The following RNF146 variants were observed in gnomAD, a reference collection of about 807,000 sequenced individuals.
The protein encoded by RNF146 is E3 ubiquitin-protein ligase RNF146.
Under a neutral mutation model 29.7 loss-of-function variants are expected in RNF146, and 11 were observed. The observed-to-expected ratio is 0.37, with a 90% CI of 0.23 to 0.61. RNF146 has a LOEUF of 0.61. RNF146 is among the 20% of genes least tolerant of loss of function. The probability of loss-of-function intolerance (pLI) is 0.66; values close to 1 mark genes in which losing one functional copy is unlikely to be tolerated. For missense variants in RNF146, 342 were observed against 438.9 expected (o/e 0.78, Z 1.97); for synonymous variants, 150 against 159.7 (o/e 0.94, Z 0.46).
chr6:127,269,581 G>A (rs960176165), intron 1 of RNF146, among the ~76,000 whole-genome samples: 3 of 152,166 alleles, frequency 2.0e-5, no homozygotes, highest in African/African-American at 4.8e-5. Flanking sequence ...ATTCTTTAAA[G>A]TATCAGACCC....
At chr6:127,285,496 T>C (rs538406549) in intron 2 of RNF146, 1 of 263,988 alleles carries the variant, frequency 3.8e-6, no homozygotes, top group African/African-American at 2.3e-5. Context: ...TTATCAGTGG[T>C]TTACTCCATT....
In RNF146 at chr6:127,286,044, C is replaced by T; in HGVS notation, c.3-572C>T. The stretch of plus-strand genomic sequence containing the variant: ...TTGACAAATCTTTTTTCTTCTTCCT[C>T]TTCAGGGGATCTTCAATATTCATGT... On this transcript the variant is annotated intron_variant, in intron 2 of 2. Transcript: ENST00000368314. The surrounding 1 kb of genome is among the most constrained non-coding windows in gnomAD (Gnocchi z 4.6). The T allele has an allele frequency of 8.1e-7, 1 of 1,228,184 alleles. No homozygotes were observed. The highest frequency in any genetic ancestry group is 1.6e-5 in the African/African-American group (1 of 64,368). The allele number at this position is 1,228,184 out of a possible 1,614,324, so 76.1% of individuals were successfully genotyped here.
intron 1 of RNF146, among the ~76,000 whole-genome samples, chr6:127,276,072 C>T (rs940235454): frequency 5.3e-5 from 8 of 151,868 alleles, no homozygotes; most frequent in African/African-American, 1.2e-4. Context: ...ATGGGAGGAT[C>T]GCTTGAGCCA....
intron 1 of RNF146, among the ~76,000 whole-genome samples, chr6:127,273,139 A>G (rs943385064): frequency 6.6e-6 from 1 of 152,180 alleles, no homozygotes; most frequent in African/African-American, 2.4e-5. Context: ...GTGTTATTCA[A>G]GGTTTATGGT....
In RNF146 at chr6:127,282,014, A is replaced by G. The variant is rs143712013; in HGVS notation, c.2+1674A>G. 3.3e-3 allele frequency among the ~76,000 whole-genome samples: 494 copies of G among 151,818 alleles called. 2 individuals carry two copies. The highest frequency in any genetic ancestry group is 0.011 in the African/African-American group (465 of 41,496). ...GAAGTTTTATGATAGTCTCTGGGGA[A>G]TAGGGAAAGAAAGATGTCTTGGCCG... is the stretch of plus-strand genomic sequence containing the variant. On this transcript the variant is annotated intron_variant, in intron 2 of 2. Transcript: ENST00000368314.
At chr6:127,271,935 C>T (rs986420348) in intron 1 of RNF146, among the ~76,000 whole-genome samples, 1 of 152,174 alleles carries the variant, frequency 6.6e-6, no homozygotes, top group African/African-American at 2.4e-5. Context: ...AGATGTGAGG[C>T]ACCATGCCCT....
At chr6:127,285,077 G>A in intron 2 of RNF146, 1 of 409,848 alleles carries the variant, frequency 2.4e-6, no homozygotes, top group Non-Finnish European at 3.3e-6. Context: ...GATTGGAAAT[G>A]TTATTAAAAG....
At chr6:127,277,854 C>T (rs1324503419) in intron 1 of RNF146, among the ~76,000 whole-genome samples, 1 of 152,096 alleles carries the variant, frequency 6.6e-6, no homozygotes, top group Non-Finnish European at 1.5e-5. Context: ...CAAGTTGACA[C>T]TCGGTATTAA....
In RNF146 at chr6:127,286,927, C is replaced by T; in HGVS notation, c.314C>T (p.Ala105Val). The part of the protein sequence containing the change: ...KAASRGNGEY[A>V]WYYEGRNGWW... ...GCAAGTAGAGGAAATGGTGAATATG[C>T]ATGGTATTATGAAGGAAGAAATGGG... The change falls in exon 3 of 3, where the codon GCA becomes GTA. Residue 105 changes from alanine (A) to valine (V), a missense_variant. Physicochemically the swap from Ala to Val is moderately conservative, Grantham distance 64 (BLOSUM62 0). This residue lies in a region of RNF146 where 50 missense variants were observed against 54.9 expected (regional missense o/e 0.91). Coordinates refer to ENST00000368314, the MANE Select transcript of RNF146 (RefSeq NM_001242850.2). The surrounding 1 kb of genome is among the most constrained non-coding windows in gnomAD (Gnocchi z 4.6). 6.2e-7 allele frequency: 1 copy of T among 1,613,374 alleles called. No individual in the cohort carries two copies. The highest frequency in any genetic ancestry group is 8.5e-7 in the Non-Finnish European group (1 of 1,179,618).
intron 1 of RNF146, among the ~76,000 whole-genome samples, chr6:127,279,714 C>A (rs1270619258): frequency 6.6e-6 from 1 of 151,816 alleles, no homozygotes; most frequent in African/African-American, 2.4e-5. Flanking sequence ...GTCTTCCAAT[C>A]CATACATCAC....
At chr6:127,271,806 GTTTC>G in intron 1 of RNF146, among the ~76,000 whole-genome samples, 1 of 152,158 alleles carries the variant, frequency 6.6e-6, no homozygotes, top group Non-Finnish European at 1.5e-5. Context: ...AATTTTACCT[GTTTC>G]TTTCTATTAT....
At position 127,273,109 on chromosome 6, in the gene RNF146, C is replaced by T. The variant is rs559551194; in HGVS notation, c.-109+6184C>T. 3.9e-5 allele frequency among the ~76,000 whole-genome samples: 6 copies of T among 152,240 alleles called. No individual in the cohort carries two copies. In the South Asian group the frequency reaches 8.3e-4, roughly 21 times the overall value. ...GGAGCACTTCTAGCATCACTAGTGG[C>T]ACTTCACATGGGTCCCATGGTGTTA... On this transcript the variant is annotated intron_variant, in intron 1 of 2. Transcript: ENST00000368314.
chr6:127,273,437 A>G (rs987630432), intron 1 of RNF146, among the ~76,000 whole-genome samples: 10 of 152,150 alleles, frequency 6.6e-5, no homozygotes, highest in Non-Finnish European at 1.0e-4. Flanking sequence ...ATAATACTAA[A>G]TGATAAAATA....
rs753262038 is a variant in RNF146, at chr6:127,287,575, C to T, written c.962C>T (p.Thr321Ile). Residue 321 changes from threonine to isoleucine, a missense_variant, in exon 3 of 3, where the codon ACA (threonine) becomes ATA (isoleucine). By Grantham distance (89) the Thr-to-Ile change is moderately conservative. Coordinates refer to ENST00000368314, the MANE Select transcript of RNF146 (RefSeq NM_001242850.2). ...QRLLVSNANQTVPDRSDRSGT... is the reference protein window; with the variant it reads ...QRLLVSNANQIVPDRSDRSGT... ...CTTTTGGTTTCTAATGCAAACCAGA[C>T]AGTACCCGATCGATCAGATCGATCG... The T allele has an allele frequency of 1.2e-6, 2 of 1,612,940 alleles. No homozygotes were observed. The highest frequency in any genetic ancestry group is 1.1e-5 in the South Asian group (1 of 91,050).
intron 1 of RNF146, among the ~76,000 whole-genome samples, chr6:127,269,750 G>A (rs1777187121): frequency 6.6e-6 from 1 of 152,072 alleles, no homozygotes; most frequent in African/African-American, 2.4e-5. Context: ...ATACTAAGAT[G>A]TGTCTGCTAA....
chr6:127,280,212 C>T lies in RNF146; in HGVS notation c.-108-19C>T. On this transcript the variant is annotated intron_variant, in intron 1 of 2. Transcript: ENST00000368314. ...TAACTGATTCTCTTGATCTTAATTACTCTTTTTTTCTTTTGCAGCACAAAG... is the reference window on the plus strand; with the variant it reads ...TAACTGATTCTCTTGATCTTAATTATTCTTTTTTTCTTTTGCAGCACAAAG... The T allele has an allele frequency of 2.3e-6, 2 of 866,796 alleles. No homozygotes were observed. The highest frequency in any genetic ancestry group is 1.8e-6 in the Non-Finnish European group (1 of 546,934). The allele number at this position is 866,796 out of a possible 1,614,324, so 53.7% of individuals were successfully genotyped here. A position where few individuals can be genotyped will look rare whatever the true frequency, so the allele number is the denominator to read the frequency against.
intron 1 of RNF146, among the ~76,000 whole-genome samples, chr6:127,270,039 G>A (rs1477745552): frequency 6.6e-6 from 1 of 151,610 alleles, no homozygotes; most frequent in East Asian, 1.9e-4. Context: ...CTTTTTCTTT[G>A]ATTAAAGATA....
chr6:127,272,530 G>C (rs953335299), intron 1 of RNF146, among the ~76,000 whole-genome samples: 8 of 152,152 alleles, frequency 5.3e-5, no homozygotes, highest in African/African-American at 1.7e-4. Flanking sequence ...TGGACTCTTA[G>C]GGCTGCTGTA....
Position 127,287,262 on chromosome 6 carries a change from T to C in RNF146, c.649T>C (p.Ser217Pro). The change falls in exon 3 of 3, where the codon TCT becomes CCT. Residue 217 changes from serine to proline, a missense_variant. Coordinates refer to ENST00000368314, the MANE Select transcript of RNF146 (RefSeq NM_001242850.2). ...TGGAGCTTCTGTTCAGCCCCTAGTG[T>C]CTTCTGTAAGGCCCCTAACATCAGT... ...QSGASVQPLVSSVRPLTSVDG... is the reference protein window; with the variant it reads ...QSGASVQPLVPSVRPLTSVDG... 2 of 1,613,348 alleles carry C rather than the reference T, an allele frequency of 1.2e-6. No individual in the cohort carries two copies. Among genetic ancestry groups the C allele is most frequent in the Non-Finnish European group, 1.7e-6 (2 of 1,179,636 alleles).
Sources: allele counts gnomAD v4.1 joint callset (sites outside exome capture counted in the v4.1 genomes callset), GRCh38; gene constraint gnomAD v4.1.1; regional missense constraint gnomAD v4.1.1; non-coding constraint Gnocchi (gnomAD v3.1); transcripts MANE v1.5; gene names NCBI Gene and HGNC (gene_info 2026-07-23, HGNC 2026-07-21).